Variants in ITCH observed in about 807,000 individuals in gnomAD.
ITCH encodes the protein itchy E3 ubiquitin protein ligase.
A neutral mutation model predicts 126.8 loss-of-function variants in ITCH; 28 were observed. That is an observed-to-expected ratio of 0.22 (90% CI 0.16 to 0.30). The LOEUF (loss-of-function observed/expected upper bound fraction) is 0.30, where lower values mean the gene tolerates loss of function less well. ITCH is among the 10% of genes least tolerant of loss of function. The pLI, the probability that ITCH is intolerant of heterozygous loss-of-function variation, is 1.00. For synonymous variants in ITCH, 342 were observed against 340.0 expected, an observed-to-expected ratio of 1.01 and a Z score of -0.06; for missense variants, 631 against 1,032.4, an observed-to-expected ratio of 0.61 and a Z score of 5.33.
intron 23 of ITCH, among the ~76,000 whole-genome samples, chr20:34,494,353 TAC>T (rs1989718452): frequency 6.6e-6 from 1 of 152,194 alleles, no homozygotes; most frequent in Non-Finnish European, 1.5e-5. Context: ...TCTTCAGTGC[TAC>T]AGAGAGGTCT....
chr20:34,463,207 A>G (rs763147842), intron 14 of ITCH, among the ~76,000 whole-genome samples: 2 of 152,200 alleles, frequency 1.3e-5, no homozygotes, highest in Non-Finnish European at 2.9e-5. Flanking sequence ...TACTAAAAAT[A>G]CAAAAATTAG....
chr20:34,430,742 T>C (rs529097463), intron 7 of ITCH, among the ~76,000 whole-genome samples: 1 of 152,318 alleles, frequency 6.6e-6, no homozygotes, highest in East Asian at 1.9e-4. Context: ...CCTCCCAAAG[T>C]GCTGGGATTA....
At chr20:34,376,511 G>A (rs1293440505) in intron 2 of ITCH, among the ~76,000 whole-genome samples, 1 of 151,990 alleles carries the variant, frequency 6.6e-6, no homozygotes, top group Non-Finnish European at 1.5e-5. Flanking sequence ...AAGCAGTCTA[G>A]TACTGAATGA....
intron 7 of ITCH, 124 bp downstream of exon 7, chr20:34,424,649 A>G: frequency 1.2e-6 from 1 of 842,070 alleles, no homozygotes; most frequent in Admixed American, 2.0e-5. Flanking sequence ...TTCAGAACTC[A>G]AGAAGGGAAA....
chr20:34,381,080 G>A (rs772047389), intron 2 of ITCH, among the ~76,000 whole-genome samples: 7 of 152,026 alleles, frequency 4.6e-5, no homozygotes, highest in African/African-American at 9.7e-5. Context: ...GAGCCACTGC[G>A]CCTGTTTGAA....
At chr20:34,450,181 G>T (rs1222419775) in intron 12 of ITCH, among the ~76,000 whole-genome samples, 1 of 152,082 alleles carries the variant, frequency 6.6e-6, no homozygotes, top group African/African-American at 2.4e-5. Context: ...CCACTTCTGT[G>T]GTTTTGATGC....
intron 16 of ITCH, among the ~76,000 whole-genome samples, chr20:34,474,106 CTA>C (rs1358337605): frequency 9.2e-5 from 14 of 152,236 alleles, no homozygotes; most frequent in Admixed American, 2.6e-4. Context: ...ATCACATTAA[CTA>C]TTTTTTAATA....
intron 16 of ITCH, chr20:34,476,072 TCTC>T (rs905672639): frequency 1.8e-6 from 2 of 1,122,104 alleles, no homozygotes; most frequent in Non-Finnish European, 2.7e-6. Flanking sequence ...AGCATGTGAT[TCTC>T]CTCATCAGTG....
intron 14 of ITCH, among the ~76,000 whole-genome samples, chr20:34,469,289 ATCCT>A (rs1345092067): frequency 6.6e-6 from 1 of 151,428 alleles, no homozygotes; most frequent in Admixed American, 6.6e-5. Flanking sequence ...CTTTTAGAAA[ATCCT>A]TCCTTTTTTT....
At chr20:34,458,853 T>C (rs1986259644) in intron 13 of ITCH, among the ~76,000 whole-genome samples, 3 of 152,216 alleles carry the variant, frequency 2.0e-5, no homozygotes. Flanking sequence ...GCAGTAACTC[T>C]GTTTCCAAAT....
intron 12 of ITCH, among the ~76,000 whole-genome samples, chr20:34,456,658 A>ATG (rs1335376931): frequency 1.2e-4 from 17 of 143,266 alleles, no homozygotes; most frequent in South Asian, 6.6e-4. Flanking sequence ...ATATATATAT[A>ATG]TGTGTGTGTG....
chr20:34,371,875 T>A (rs1170512701), intron 2 of ITCH, among the ~76,000 whole-genome samples: 1 of 152,158 alleles, frequency 6.6e-6, no homozygotes, highest in Non-Finnish European at 1.5e-5. Context: ...TCCTCACTTA[T>A]CTATTGAATG....
chr20:34,457,272 TATAAA>T, intron 12 of ITCH, 113 bp from the exon 13 acceptor site: 3 of 738,194 alleles, frequency 4.1e-6, no homozygotes, highest in Non-Finnish European at 7.2e-6. Context: ...ATTTAAAAAC[TATAAA>T]ATAAACAATG....
intron 10 of ITCH, among the ~76,000 whole-genome samples, chr20:34,443,660 A>G (rs912462815): frequency 1.3e-5 from 2 of 152,190 alleles, no homozygotes; most frequent in African/African-American, 2.4e-5. Context: ...AGCAGATAAT[A>G]TCAAGTGTTG....
intron 16 of ITCH, among the ~76,000 whole-genome samples, chr20:34,473,841 A>G (rs576827247): frequency 4.6e-5 from 7 of 152,358 alleles, no homozygotes; most frequent in African/African-American, 9.6e-5. Context: ...AACTACTGCT[A>G]TAAATTGTCG....
chr20:34,385,163 A>G (rs1227908157), intron 2 of ITCH, among the ~76,000 whole-genome samples: 1 of 148,788 alleles, frequency 6.7e-6, no homozygotes, highest in Non-Finnish European at 1.5e-5. Flanking sequence ...CACAGTAGGC[A>G]CATGCCACCA....
chr20:34,489,289 C>G lies in ITCH; in HGVS notation c.2117C>G (p.Ser706Cys), dbSNP rs1202471507. 1 of 1,613,334 alleles carries G rather than the reference C, an allele frequency of 6.2e-7. No homozygotes were observed. The highest frequency in any genetic ancestry group is 1.3e-5 in the African/African-American group (1 of 74,788). Residue 706 changes from serine (S) to cysteine (C), a missense_variant, in exon 21 of 25, where the codon TCT (serine) becomes TGT (cysteine). Around this residue, in one of 4 missense-constraint regions of ITCH, gnomAD observed 390 missense variants for 731.6 expected, o/e 0.53. Transcript: ENST00000374864. ...AGAATGGTAGCTGAGTGGAGGTTGT[C>G]TCGAGGTGTTGAAGAACAGACACAA... ...YIRMVAEWRL[S>C]RGVEEQTQAF...
At chr20:34,364,982 GTGAGCC>G (rs937547055) in intron 1 of ITCH, among the ~76,000 whole-genome samples, 6 of 150,362 alleles carry the variant, frequency 4.0e-5, no homozygotes, top group African/African-American at 7.4e-5. Context: ...GGCGGATTAC[GTGAGCC>G]CAGGAATTGG....
intron 6 of ITCH, among the ~76,000 whole-genome samples, chr20:34,423,838 G>A (rs902723136): frequency 6.6e-6 from 1 of 152,088 alleles, no homozygotes; most frequent in Non-Finnish European, 1.5e-5. Context: ...CCTGACCTGA[G>A]GTGATTCGCC....
Sources: gnomAD v4.1 joint callset for allele counts (sites outside exome capture counted in the v4.1 genomes callset) on GRCh38, gnomAD v4.1.1 for gene constraint, gnomAD v4.1.1 regional missense constraint, MANE v1.5 for transcripts, NCBI Gene and HGNC (gene_info 2026-07-23, HGNC 2026-07-21) for gene names.